Variants in KIAA2012 observed in about 807,000 individuals in gnomAD.
KIAA2012 encodes the protein uncharacterized protein KIAA2012.
KIAA2012 carries 125 observed loss-of-function variants against 150.6 expected under a neutral mutation model. The ratio of observed to expected loss-of-function variants is 0.83; its 90% CI spans 0.72 to 0.96. The LOEUF (loss-of-function observed/expected upper bound fraction) is 0.96, where lower values mean the gene tolerates loss of function less well. Ranked by LOEUF, KIAA2012 falls within the 40% of genes least tolerant of loss-of-function variation. The pLI is 0.00. For missense variants in KIAA2012, 1,219 were observed against 1,354.9 expected, an observed-to-expected ratio of 0.90 and a Z score of 1.57; for synonymous variants, 462 against 504.7, an observed-to-expected ratio of 0.92 and a Z score of 1.13.
rs188023657 is a variant in KIAA2012, at chr2:202,102,833, T to C, written c.1156-113T>C. ...CGGCTCCCAGCTGGATTAGCTTACC[T>C]CTCTCAGCAGCTCCTGGTGCAAGAG... is the stretch of plus-strand genomic sequence containing the variant. On this transcript the variant is annotated intron_variant, in intron 7 of 23. Coordinates refer to ENST00000498697, the MANE Select transcript of KIAA2012 (RefSeq NM_001277372.4). 84 of 1,054,288 alleles carry C rather than the reference T, an allele frequency of 8.0e-5. No individual in the cohort carries two copies. The East Asian group carries it at 2.2e-3, about 28-fold the overall frequency. The allele number at this position is 1,054,288 out of a possible 1,614,324, so 65.3% of individuals were successfully genotyped here.
chr2:202,184,379 G>A (rs547097968), intron 15 of KIAA2012, among the ~76,000 whole-genome samples: 38 of 107,468 alleles, frequency 3.5e-4, no homozygotes, highest in East Asian at 1.3e-3. Context: ...GCAAGACTCC[G>A]TCTCAAAAAA....
intron 22 of KIAA2012, among the ~76,000 whole-genome samples, chr2:202,198,357 A>G (rs1446911770): frequency 6.6e-6 from 1 of 152,176 alleles, no homozygotes; most frequent in Non-Finnish European, 1.5e-5. Context: ...AAAGGTCTGA[A>G]GAAAGAAATG....
At position 202,190,414 on chromosome 2, in the gene KIAA2012, GATC is replaced by G; in HGVS notation, c.2737_2739del (p.Ser913del). On this transcript the variant is annotated inframe_deletion, in exon 19 of 24. Coordinates refer to ENST00000498697, the MANE Select transcript of KIAA2012 (RefSeq NM_001277372.4). The stretch of plus-strand genomic sequence containing the variant: ...GAAAGCCAAGTTTCTCTAGATGGAA[GATC>G]ATCACCCTCTCAGATTGCAACTGTC... 6.4e-7 allele frequency: 1 copy of G among 1,550,518 alleles called. No individual in the cohort carries two copies. The highest frequency in any genetic ancestry group is 8.7e-7 in the Non-Finnish European group (1 of 1,146,862).
At chr2:202,133,316 T>G (rs1343281017) in intron 12 of KIAA2012, among the ~76,000 whole-genome samples, 1 of 151,608 alleles carries the variant, frequency 6.6e-6, no homozygotes, top group East Asian at 1.9e-4. Flanking sequence ...GACATTTTGC[T>G]GTTATGCATC....
chr2:202,163,076 TAA>T (rs534595228), intron 14 of KIAA2012, among the ~76,000 whole-genome samples: 96 of 151,160 alleles, frequency 6.4e-4, no homozygotes, highest in African/African-American at 1.9e-3. Flanking sequence ...TGAATGACTT[TAA>T]ATAGAAGTTA....
At position 202,102,721 on chromosome 2, in the gene KIAA2012, T is replaced by C. The variant is rs531968554; in HGVS notation, c.1156-225T>C. Among the ~76,000 whole-genome samples, 23 of 152,274 alleles carry C rather than the reference T, an allele frequency of 1.5e-4. No individual in the cohort carries two copies. The South Asian group carries it at 4.6e-3, about 30-fold the overall frequency. On this transcript the variant is annotated intron_variant, in intron 7 of 23. Coordinates refer to ENST00000498697, the MANE Select transcript of KIAA2012 (RefSeq NM_001277372.4). Reference sequence around the variant, plus strand: ...CAAAGGCTCTTAAACTGAGCATGTTTATAATTCTCAGAGGATTCACAGGCA... The same window carrying C: ...CAAAGGCTCTTAAACTGAGCATGTTCATAATTCTCAGAGGATTCACAGGCA...
chr2:202,201,377 T>C (rs981696671), intron 22 of KIAA2012: 26 of 1,585,358 alleles, frequency 1.6e-5, no homozygotes, highest in Middle Eastern at 2.0e-4. Context: ...TGGCCTTGGT[T>C]CCTCACCAGA....
At chr2:202,201,477 G>C in intron 22 of KIAA2012, 2 of 1,598,644 alleles carry the variant, frequency 1.3e-6, no homozygotes, top group Non-Finnish European at 1.7e-6. Flanking sequence ...TGCAAGCTGA[G>C]CAGCACTGGG....
chr2:202,180,282 A>G (rs1197086934), intron 15 of KIAA2012, among the ~76,000 whole-genome samples: 1 of 152,098 alleles, frequency 6.6e-6, no homozygotes, highest in Admixed American at 6.6e-5. Flanking sequence ...AAAAAAAAAA[A>G]AAAAAAGAAT....
At chr2:202,097,692 C>A in intron 5 of KIAA2012, 115 bp downstream of exon 5, 1 of 1,190,750 alleles carries the variant, frequency 8.4e-7, no homozygotes, top group Non-Finnish European at 1.2e-6. Flanking sequence ...TGGGTTCAAG[C>A]ATTTCTCCTG....
Position 202,170,610 on chromosome 2 carries a change from A to G in KIAA2012, c.2119+5254A>G, listed in dbSNP as rs1047285121. Reference sequence around the variant, plus strand: ...GGAGGAAACAGATATGTGTGCAGACAGCTCCAGTGAGTGGAGTGTGATCAG... The same window carrying G: ...GGAGGAAACAGATATGTGTGCAGACGGCTCCAGTGAGTGGAGTGTGATCAG... On this transcript the variant is annotated intron_variant, in intron 15 of 23. Coordinates refer to ENST00000498697, the MANE Select transcript of KIAA2012 (RefSeq NM_001277372.4). Among the ~76,000 whole-genome samples, 8 of 152,376 alleles carry G rather than the reference A, an allele frequency of 5.3e-5. No individual in the cohort carries two copies. In the East Asian group the frequency reaches 1.5e-3, roughly 29 times the overall value.
intron 10 of KIAA2012, among the ~76,000 whole-genome samples, chr2:202,111,500 A>C (rs1468442873): frequency 8.4e-6 from 1 of 119,018 alleles, no homozygotes; most frequent in Non-Finnish European, 1.6e-5. Flanking sequence ...ACAGAGCAAG[A>C]CTCTGTCTCA....
rs1213194937 is a variant in KIAA2012 at position 202,073,615 on chromosome 2, G to C, written c.-13G>C. On this transcript the variant is annotated 5_prime_UTR_variant, in exon 1 of 24. Transcript: ENST00000498697. ...GATGGACTGCCCTTGAGAAGGGGTG[G>C]TCAGAGGGAAACATGTTCACGCTCT... The C allele has an allele frequency of 6.5e-7, 1 of 1,549,916 alleles. No individual in the cohort carries two copies. Among genetic ancestry groups the C allele is most frequent in the South Asian group, 1.2e-5 (1 of 83,938 alleles).
chr2:202,117,987 A>G (rs1013932437), intron 11 of KIAA2012, among the ~76,000 whole-genome samples: 24 of 151,318 alleles, frequency 1.6e-4, no homozygotes, highest in African/African-American at 5.8e-4. Flanking sequence ...TTCTCCTAAC[A>G]TGGCATGTTT....
intron 5 of KIAA2012, 32 bp downstream of exon 5, chr2:202,097,609 A>G: frequency 6.5e-7 from 1 of 1,532,248 alleles, no homozygotes; most frequent in East Asian, 2.5e-5. Context: ...TTTTTCCCCG[A>G]GACGGAGTCT....
At chr2:202,130,010 G>A (rs1575027400) in intron 12 of KIAA2012, among the ~76,000 whole-genome samples, 1 of 152,052 alleles carries the variant, frequency 6.6e-6, no homozygotes. Flanking sequence ...AATAGCTCTT[G>A]TGCAGTTACT....
chr2:202,198,762 C>G (rs899308867), intron 22 of KIAA2012, among the ~76,000 whole-genome samples: 2 of 152,170 alleles, frequency 1.3e-5, no homozygotes, highest in Non-Finnish European at 2.9e-5. Flanking sequence ...CCAACGTTAA[C>G]TGTAAATACT....
At chr2:202,182,449 A>G (rs1052921714) in intron 15 of KIAA2012, among the ~76,000 whole-genome samples, 2 of 152,034 alleles carry the variant, frequency 1.3e-5, no homozygotes, top group African/African-American at 4.8e-5. Flanking sequence ...CTTTCACTCA[A>G]CATAATTATT....
Position 202,201,423 on chromosome 2 carries a change from T to A in KIAA2012, c.3408-1006T>A, listed in dbSNP as rs1574320954. On this transcript the variant is annotated intron_variant, in intron 22 of 23. Coordinates refer to ENST00000498697, the MANE Select transcript of KIAA2012 (RefSeq NM_001277372.4). Reference sequence around the variant, plus strand: ...ACCATCTGATTCACCCATGAAGAAGTTCCCCTTCCACTGAGTTACGAGGAC... The same window carrying A: ...ACCATCTGATTCACCCATGAAGAAGATCCCCTTCCACTGAGTTACGAGGAC... 8 of 1,591,856 alleles carry A rather than the reference T, an allele frequency of 5.0e-6. No individual in the cohort carries two copies. In the South Asian group the frequency reaches 8.8e-5, roughly 18 times the overall value.
Sources: gnomAD v4.1 joint callset for allele counts (sites outside exome capture counted in the v4.1 genomes callset) on GRCh38, gnomAD v4.1.1 for gene constraint, MANE v1.5 for transcripts, NCBI Gene and HGNC (gene_info 2026-07-23, HGNC 2026-07-21) for gene names.